RAD51B: variants seen among roughly 807,000 people sequenced by gnomAD.
RAD51B encodes DNA repair protein RAD51 homolog 2.
A neutral mutation model predicts 42.2 loss-of-function variants in RAD51B; 38 were observed. The observed-to-expected ratio is 0.90, with a 90% CI of 0.70 to 1.18. The LOEUF is 1.18. RAD51B is among the 50% of genes most tolerant of loss of function. The pLI, the probability that RAD51B is intolerant of heterozygous loss-of-function variation, is 0.00. For missense variants in RAD51B, 373 were observed against 400.7 expected (o/e 0.93, Z 0.59); for synonymous variants, 154 against 145.2 (o/e 1.06, Z -0.43).
At chr14:67,883,208 C>T (rs1319459022) in intron 5 of RAD51B, among the ~76,000 whole-genome samples, 2 of 151,996 alleles carry the variant, frequency 1.3e-5, no homozygotes, top group African/African-American at 2.4e-5. Context: ...TTGCCCAAGC[C>T]TCTTCTCCAT....
chr14:68,029,794 A>T (rs1180461249), intron 7 of RAD51B, among the ~76,000 whole-genome samples: 1 of 152,234 alleles, frequency 6.6e-6, no homozygotes, highest in Non-Finnish European at 1.5e-5. Context: ...CCATCAGACG[A>T]ATCCGTATCT....
At chr14:67,851,538 G>A (rs113513198) in intron 4 of RAD51B, among the ~76,000 whole-genome samples, 1 of 152,204 alleles carries the variant, frequency 6.6e-6, no homozygotes, top group African/African-American at 2.4e-5. Flanking sequence ...AAGCATTCTG[G>A]CCACCTCTCT....
At chr14:68,271,492 A>C (rs2081103359) in intron 7 of RAD51B, among the ~76,000 whole-genome samples, 1 of 152,160 alleles carries the variant, frequency 6.6e-6, no homozygotes, top group Non-Finnish European at 1.5e-5. Context: ...GCACCTTGAA[A>C]GTGTGTTGTG....
At chr14:68,479,093 C>A (rs1412010718), downstream of RAD51B, among the ~76,000 whole-genome samples, 1 of 152,080 alleles carries the variant, frequency 6.6e-6, no homozygotes, top group Non-Finnish European at 1.5e-5. Flanking sequence ...TTTGGGTAGA[C>A]CTGGAAGAGG....
intron 8 of RAD51B, among the ~76,000 whole-genome samples, chr14:68,331,835 G>A (rs890270598): frequency 6.6e-6 from 1 of 152,158 alleles, no homozygotes; most frequent in African/African-American, 2.4e-5. Flanking sequence ...CAAGTTGCAG[G>A]GAAAAACTGG....
intron 8 of RAD51B, among the ~76,000 whole-genome samples, chr14:68,400,547 C>T (rs1460537875): frequency 6.6e-6 from 1 of 152,220 alleles, no homozygotes; most frequent in Admixed American, 6.5e-5. Flanking sequence ...GAATTCAACT[C>T]TGGTATCCGC....
At chr14:67,843,390 C>T (rs1566919308) in intron 4 of RAD51B, 1 of 150,970 alleles carries the variant, frequency 6.6e-6, no homozygotes, top group Admixed American at 6.6e-5. Flanking sequence ...TTGAGGAGTC[C>T]CTCTTCCTCA....
chr14:67,926,558 C>CTTTTTTTTTTTTTTTT (rs534207569), intron 7 of RAD51B, among the ~76,000 whole-genome samples: 1 of 85,112 alleles, frequency 1.2e-5, no homozygotes, highest in Non-Finnish European at 2.2e-5. Context: ...GATATGTTTC[C>CTTTTTTTTTTTTTTTT]TTTTTTTTTT....
intron 7 of RAD51B, among the ~76,000 whole-genome samples, chr14:67,901,632 A>G (rs959732343): frequency 6.6e-6 from 1 of 152,218 alleles, no homozygotes; most frequent in African/African-American, 2.4e-5. Context: ...AGGTACCCAG[A>G]ATCACAATAC....
At chr14:68,520,266 G>C (rs1021008552) in intron 10 of RAD51B, among the ~76,000 whole-genome samples, 1 of 152,184 alleles carries the variant, frequency 6.6e-6, no homozygotes, top group African/African-American at 2.4e-5. Context: ...TAAACCATCA[G>C]AGCCCCCATA....
intron 7 of RAD51B, among the ~76,000 whole-genome samples, chr14:68,151,029 A>G (rs2078367744): frequency 6.6e-6 from 1 of 152,026 alleles, no homozygotes; most frequent in Non-Finnish European, 1.5e-5. Context: ...TTTCCTTTGT[A>G]TAGACTGATT....
chr14:67,882,153 A>G (rs1012457889), intron 5 of RAD51B, among the ~76,000 whole-genome samples: 1 of 152,154 alleles, frequency 6.6e-6, no homozygotes, highest in African/African-American at 2.4e-5. Context: ...TTTAATTTTT[A>G]GTACAGATAA....
intron 7 of RAD51B, among the ~76,000 whole-genome samples, chr14:67,938,729 A>G (rs929162737): frequency 6.6e-6 from 1 of 152,228 alleles, no homozygotes; most frequent in Non-Finnish European, 1.5e-5. Context: ...TAGCTCAAAT[A>G]CTATTGAATT....
At chr14:67,880,687 C>T (rs1317051919) in intron 5 of RAD51B, among the ~76,000 whole-genome samples, 3 of 152,000 alleles carry the variant, frequency 2.0e-5, no homozygotes, top group South Asian at 4.2e-4. Flanking sequence ...TGATTTTTCT[C>T]CTGGTAATGG....
At chr14:68,058,731 T>G (rs1437427518) in intron 7 of RAD51B, among the ~76,000 whole-genome samples, 1 of 152,226 alleles carries the variant, frequency 6.6e-6, no homozygotes, top group Non-Finnish European at 1.5e-5. Context: ...TTTTAAATTC[T>G]TAGTGTATAT....
intron 9 of RAD51B, among the ~76,000 whole-genome samples, chr14:68,448,296 T>C (rs1268275923): frequency 6.6e-6 from 1 of 152,210 alleles, no homozygotes; most frequent in Non-Finnish European, 1.5e-5. Flanking sequence ...GACATCTCTT[T>C]TATATATTGA....
chr14:68,651,370 G>T (rs1892695040), intron 11 of RAD51B, among the ~76,000 whole-genome samples: 1 of 152,094 alleles, frequency 6.6e-6, no homozygotes, highest in Non-Finnish European at 1.5e-5. Context: ...ATAAGGTTTT[G>T]CCGTGTTGCC....
At chr14:68,643,045 TGAGAAG>T in intron 10 of RAD51B, among the ~76,000 whole-genome samples, 2 of 152,250 alleles carry the variant, frequency 1.3e-5, no homozygotes, top group Admixed American at 6.5e-5. Flanking sequence ...CATGTGTGCT[TGAGAAG>T]AATGTGTATT....
intron 10 of RAD51B, among the ~76,000 whole-genome samples, chr14:68,576,093 C>T (rs1312066443): frequency 6.6e-6 from 1 of 152,162 alleles, no homozygotes; most frequent in East Asian, 1.9e-4. Context: ...CTGGTGAGAG[C>T]AGTGGTCCCA....
Sources: allele counts gnomAD v4.1 joint callset (sites outside exome capture counted in the v4.1 genomes callset), GRCh38; gene constraint gnomAD v4.1.1; transcripts MANE v1.5; gene names NCBI Gene and HGNC (gene_info 2026-07-23, HGNC 2026-07-21).